PSME4: variants seen among roughly 807,000 people sequenced by gnomAD.
PSME4 encodes the protein proteasome activator complex subunit 4.
In PSME4, 89 loss-of-function variants were observed where a neutral mutation model predicts 253.9. The observed-to-expected ratio is 0.35, with a 90% confidence interval of 0.30 to 0.42. The LOEUF is 0.42. Ranked by LOEUF, PSME4 falls within the 10% of genes least tolerant of loss-of-function variation. The pLI, the probability that PSME4 is intolerant of heterozygous loss-of-function variation, is 1.00. For synonymous variants in PSME4, 851 were observed against 759.2 expected (o/e 1.12, Z -1.99); for missense variants, 2,014 against 2,195.2 (o/e 0.92, Z 1.65).
At chr2:53,916,611 T>C (rs917313900) in intron 20 of PSME4, among the ~76,000 whole-genome samples, 2 of 152,220 alleles carry the variant, frequency 1.3e-5, no homozygotes, top group South Asian at 4.1e-4. Context: ...TTTATTGGAA[T>C]TACTGTATTA....
At chr2:53,964,537 T>C (rs1374219860) in intron 1 of PSME4, among the ~76,000 whole-genome samples, 1 of 152,238 alleles carries the variant, frequency 6.6e-6, no homozygotes, top group Non-Finnish European at 1.5e-5. Flanking sequence ...TCTCTCTAAC[T>C]GGTTCTCACT....
intron 32 of PSME4, 138 bp downstream of exon 32, chr2:53,896,666 T>TC: frequency 1.6e-6 from 1 of 639,122 alleles, no homozygotes. Flanking sequence ...GTCAACTGTT[T>TC]CCTTCATAAT....
intron 9 of PSME4, 117 bp from the exon 10 acceptor site, chr2:53,932,217 T>A (rs1668864994): frequency 1.1e-6 from 1 of 940,556 alleles, no homozygotes; most frequent in African/African-American, 1.7e-5. Flanking sequence ...TATTATCTTA[T>A]TACAAAGAAC....
At chr2:53,933,375 C>CAAAAAAAAAAAAAAAAAAAAAA (rs571833072) in intron 8 of PSME4, among the ~76,000 whole-genome samples, 5 of 60,616 alleles carry the variant, frequency 8.2e-5, no homozygotes, top group East Asian at 4.3e-4. Context: ...GAGACCATCT[C>CAAAAAAAAAAAAAAAAAAAAAA]AAAAAAAAAA....
At chr2:53,920,467 T>C in intron 18 of PSME4, 117 bp from the exon 19 acceptor site, 2 of 1,029,662 alleles carry the variant, frequency 1.9e-6, no homozygotes, top group Non-Finnish European at 2.7e-6. Flanking sequence ...AATCCAAACC[T>C]AAGGTAGCAA....
chr2:53,911,859 C>T (rs1262203106), intron 20 of PSME4, among the ~76,000 whole-genome samples: 3 of 152,104 alleles, frequency 2.0e-5, no homozygotes, highest in African/African-American at 7.2e-5. Context: ...TCTAAAAAGC[C>T]TGTCATTTGG....
intron 36 of PSME4, among the ~76,000 whole-genome samples, chr2:53,891,103 A>C (rs1679885686): frequency 6.6e-6 from 1 of 152,230 alleles, no homozygotes; most frequent in Non-Finnish European, 1.5e-5. Flanking sequence ...GCTAGGCTGA[A>C]ACAAAACCTC....
At position 53,970,628 on chromosome 2, in the gene PSME4, C is replaced by A; in HGVS notation, c.157G>T (p.Ala53Ser). ...CGGCCCAGGTTGCATTTGATCTGGG[C>A]CAGCTGCAAGTCGGACTCGGCGTCT... Reference protein sequence around the residue: ...RLDAESDLQLAQIKCNLGRAV... With the variant: ...RLDAESDLQLSQIKCNLGRAV... The change falls in exon 1 of 47, where the codon GCC becomes TCC. Residue 53 changes from alanine (A) to serine (S), a missense_variant. Physicochemically the swap from Ala to Ser is moderately conservative, Grantham distance 99 (BLOSUM62 1). Coordinates refer to ENST00000404125, the MANE Select transcript of PSME4 (RefSeq NM_014614.3). 1 of 1,549,968 alleles carries A rather than the reference C, an allele frequency of 6.5e-7. No individual in the cohort carries two copies. Among genetic ancestry groups the A allele is most frequent in the Non-Finnish European group, 8.7e-7 (1 of 1,146,936 alleles).
rs1204678801 is a variant in PSME4, at chr2:53,877,247, CAAAAAAAAAAA to C, written c.4816-1503_4816-1493del. 9.9e-5 allele frequency among the ~76,000 whole-genome samples: 5 copies of C among 50,402 alleles called. No homozygotes were observed. In the East Asian group the frequency reaches 2.3e-3, roughly 23 times the overall value. 33.1% of individuals were successfully genotyped at this position (50,402 alleles called of 152,430 possible). ...ATAACAGAGCAAGATCCTGCCTCTA[CAAAAAAAAAAA>C]AAAAAAAAAAAATTAGCTGGGCTTG... On this transcript the variant is annotated intron_variant, in intron 41 of 46. Coordinates refer to ENST00000404125, the MANE Select transcript of PSME4 (RefSeq NM_014614.3).
In PSME4 at chr2:53,931,887, G is replaced by T. The variant is rs1668848386; in HGVS notation, c.1264C>A (p.Gln422Lys). 2 of 1,614,220 alleles carry T rather than the reference G, an allele frequency of 1.2e-6. No individual in the cohort carries two copies. The highest frequency in any genetic ancestry group is 1.7e-6 in the Non-Finnish European group (2 of 1,180,032). ...TGSLEAAQAL[Q>K]NLALMRPELV... ...TCAGGTCTCATGAGTGCAAGATTCT[G>T]CAAAGCCTGGGCTGCTTCTAGACTA... Residue 422 changes from glutamine (Q) to lysine (K), a missense_variant, in exon 10 of 47, where the codon CAG becomes AAG. By Grantham distance (53) the Gln-to-Lys change is moderately conservative (BLOSUM62 1). Around this residue, in one of 4 missense-constraint regions of PSME4, gnomAD observed 615 missense variants for 594.4 expected, o/e 1.03. Coordinates refer to ENST00000404125, the MANE Select transcript of PSME4 (RefSeq NM_014614.3).
rs1678564889 is a variant in PSME4, at chr2:53,866,368, G to A, written c.5398-145C>T. On this transcript the variant is annotated intron_variant, in intron 45 of 46. Coordinates refer to ENST00000404125, the MANE Select transcript of PSME4 (RefSeq NM_014614.3). ...TACAAAACCAAAAAGCCAATGAGAA[G>A]GACAAAGTGAATGGTCTTTTGAGTT... The A allele has an allele frequency of 4.7e-6, 4 of 844,456 alleles. No homozygotes were observed. The East Asian group carries it at 7.8e-5, about 16-fold the overall frequency. 52.3% of individuals were successfully genotyped at this position (844,456 alleles called of 1,614,324 possible).
At chr2:53,929,496 T>C (rs1039372764) in intron 10 of PSME4, among the ~76,000 whole-genome samples, 9 of 152,124 alleles carry the variant, frequency 5.9e-5, no homozygotes, top group African/African-American at 2.2e-4. Context: ...AGTTTTGCCA[T>C]GTTGCCCAGG....
At chr2:53,889,265 C>T (rs1001623007) in intron 37 of PSME4, among the ~76,000 whole-genome samples, 1 of 152,152 alleles carries the variant, frequency 6.6e-6, no homozygotes, top group Admixed American at 6.6e-5. Flanking sequence ...ATACCAAAAT[C>T]CACAGATGTT....
At chr2:53,873,878 C>A (rs1372229300) in intron 43 of PSME4, among the ~76,000 whole-genome samples, 2 of 152,106 alleles carry the variant, frequency 1.3e-5, no homozygotes, top group Admixed American at 1.3e-4. Context: ...CGAAAACATG[C>A]CCAATTTTTC....
intron 39 of PSME4, 147 bp downstream of exon 39, chr2:53,887,711 G>T: frequency 1.8e-6 from 2 of 1,135,098 alleles, no homozygotes; most frequent in Non-Finnish European, 2.4e-6. Context: ...GTTTCATCTT[G>T]TTTCCCACGA....
intron 3 of PSME4, 133 bp from the exon 4 acceptor site, chr2:53,940,133 C>T (rs1669323097): frequency 3.1e-6 from 2 of 646,690 alleles, no homozygotes; most frequent in Non-Finnish European, 4.9e-6. Context: ...TGAGCCTTCC[C>T]TTTCATACAA....
chr2:53,932,922 T>C (rs3731972), intron 8 of PSME4, 162 bp from the exon 9 acceptor site: 51,523 of 575,012 alleles, frequency 0.09, 3,172 homozygotes, highest in East Asian at 0.26. Context: ...AATTCCCTGA[T>C]GAACTTCATG....
chr2:53,888,878 A>G, intron 37 of PSME4, 66 bp from the exon 38 acceptor site: 1 of 1,254,746 alleles, frequency 8.0e-7, no homozygotes, highest in Non-Finnish European at 1.2e-6. Flanking sequence ...AATCATACTC[A>G]GTTATTTAAT....
chr2:53,932,724 C>T lies in PSME4; in HGVS notation c.994G>A (p.Gly332Ser), dbSNP rs150503713. ...AAAGATGTGATGCTGTTAAACAAAC[C>T]AGCTAAGTGTTTTTGCACTAGCTTA... ...PSKLVQKHLA[G>S]LFNSITSFYH... is the part of the protein sequence containing the mutation. Residue 332 changes from glycine to serine, a missense_variant, in exon 9 of 47, where the codon GGT becomes AGT. Gly to Ser is a moderately conservative substitution (Grantham distance 56). Around this residue, in one of 4 missense-constraint regions of PSME4, gnomAD observed 615 missense variants for 594.4 expected, o/e 1.03. Coordinates refer to ENST00000404125, the MANE Select transcript of PSME4 (RefSeq NM_014614.3). 2.3e-4 allele frequency: 364 copies of T among 1,613,960 alleles called. No homozygotes were observed. The Admixed American group carries it at 5.3e-3, about 23-fold the overall frequency.
Sources: gnomAD v4.1 joint callset for allele counts (sites outside exome capture counted in the v4.1 genomes callset) on GRCh38, gnomAD v4.1.1 for gene constraint, gnomAD v4.1.1 regional missense constraint, MANE v1.5 for transcripts, NCBI Gene and HGNC (gene_info 2026-07-23, HGNC 2026-07-21) for gene names.